DYNLRB1: variants seen among roughly 807,000 people sequenced by gnomAD.
DYNLRB1 encodes dynein light chain roadblock-type 1.
Under a neutral mutation model 13.5 loss-of-function variants are expected in DYNLRB1, and 6 were observed. The ratio of observed to expected loss-of-function variants is 0.44; its 90% CI spans 0.24 to 0.88. DYNLRB1 has a LOEUF of 0.88. Among genes scored for constraint, DYNLRB1 ranks in the 40% least tolerant of loss-of-function variants. DYNLRB1 has a pLI of 0.21. For synonymous variants in DYNLRB1, 43 were observed against 45.0 expected (o/e 0.96, Z 0.18); for missense variants, 93 against 127.2 (o/e 0.73, Z 1.29).
At chr20:34,523,582 G>T (rs1042006022) in intron 1 of DYNLRB1, among the ~76,000 whole-genome samples, 1 of 152,088 alleles carries the variant, frequency 6.6e-6, no homozygotes, top group Non-Finnish European at 1.5e-5. Context: ...CCAGAAACCG[G>T]CATGGCTAAC....
Position 34,522,469 on chromosome 20 carries a change from CTTTTTTTTT to C in DYNLRB1, c.4-3785_4-3777del, listed in dbSNP as rs771811577. On this transcript the variant is annotated intron_variant, in intron 1 of 3. Transcript: ENST00000357156. The stretch of plus-strand genomic sequence containing the variant: ...TTTTCTTTCTTTCTTTTTTCTTTTT[CTTTTTTTTT>C]TTTTTTTTTTTTTGATGAGTCTTAC... 5.2e-5 allele frequency among the ~76,000 whole-genome samples: 4 copies of C among 77,212 alleles called. No individual in the cohort carries two copies. In the East Asian group the frequency reaches 1.2e-3, roughly 23 times the overall value. 50.7% of individuals were successfully genotyped at this position (77,212 alleles called of 152,430 possible). A position where few individuals can be genotyped will look rare whatever the true frequency, so the allele number is the denominator to read the frequency against.
At chr20:34,518,411 A>T (rs1433320068) in intron 1 of DYNLRB1, among the ~76,000 whole-genome samples, 4 of 152,150 alleles carry the variant, frequency 2.6e-5, no homozygotes, top group Non-Finnish European at 4.4e-5. Context: ...GTAAAAAAAT[A>T]AATGATGTAA....
intron 1 of DYNLRB1, chr20:34,516,707 A>G: frequency 3.3e-6 from 5 of 1,527,308 alleles, no homozygotes; most frequent in African/African-American, 1.4e-5. Context: ...AGCCTCGGCC[A>G]GGAAGAGATG....
At chr20:34,516,787 G>C (rs2424993) in intron 1 of DYNLRB1, 1,085,850 of 1,548,228 alleles carry the variant, frequency 0.7, 386,532 homozygotes, top group African/African-American at 0.93. Context: ...GGCAACCCTG[G>C]CAACGTTTCC....
At position 34,528,311 on chromosome 20, in the gene DYNLRB1, CAAAAAAAAAAAAAAAA is replaced by C. The variant is rs59104612; in HGVS notation, c.79+1986_79+2001del. Reference sequence around the variant, plus strand: ...TGGGCGACAGAGCGAGACTCCGTCTCAAAAAAAAAAAAAAAAAAAAAAAAAAAAAAAAACTACCCTA... The same window carrying C: ...TGGGCGACAGAGCGAGACTCCGTCTCAAAAAAAAAAAAAAAAACTACCCTA... On this transcript the variant is annotated intron_variant, in intron 2 of 3. Transcript: ENST00000357156. 9.0e-3 allele frequency among the ~76,000 whole-genome samples: 47 copies of C among 5,206 alleles called. 9 individuals carry two copies. The highest frequency in any genetic ancestry group is 0.029 in the African/African-American group (22 of 746). 3.4% of individuals were successfully genotyped at this position (5,206 alleles called of 152,430 possible).
intron 3 of DYNLRB1, among the ~76,000 whole-genome samples, chr20:34,540,244 A>G (rs1173260225): frequency 6.6e-6 from 1 of 152,178 alleles, no homozygotes; most frequent in Non-Finnish European, 1.5e-5. Context: ...TAGGCAATTC[A>G]TTGGAGCTCT....
At chr20:34,529,909 G>A (rs1305112731) in intron 2 of DYNLRB1, 3 of 1,506,462 alleles carry the variant, frequency 2.0e-6, no homozygotes, top group South Asian at 1.3e-5. Flanking sequence ...GCTCAGGGCT[G>A]CCCCTGATCA....
At chr20:34,522,205 A>C (rs555768013) in intron 1 of DYNLRB1, among the ~76,000 whole-genome samples, 7 of 152,222 alleles carry the variant, frequency 4.6e-5, no homozygotes, top group Admixed American at 1.3e-4. Context: ...AGTTGTGGTC[A>C]CCAGTATATT....
chr20:34,516,496 G>T (rs1294345302), intron 1 of DYNLRB1, 35 bp downstream of exon 1: 1 of 1,610,762 alleles, frequency 6.2e-7, no homozygotes, highest in Non-Finnish European at 8.5e-7. Flanking sequence ...GCTGGCGGCC[G>T]CCCACCACCC....
At chr20:34,521,451 T>A (rs540568024) in intron 1 of DYNLRB1, among the ~76,000 whole-genome samples, 2 of 152,224 alleles carry the variant, frequency 1.3e-5, no homozygotes, top group African/African-American at 4.8e-5. Flanking sequence ...TGTGTTTTTT[T>A]TTTATTTATT....
chr20:34,525,067 A>G (rs1298728430), intron 1 of DYNLRB1, among the ~76,000 whole-genome samples: 2 of 152,160 alleles, frequency 1.3e-5, no homozygotes, highest in Non-Finnish European at 1.5e-5. Flanking sequence ...CCTTCCCTCC[A>G]GTGTTCGAGA....
In DYNLRB1 at chr20:34,527,055, C is replaced by T. The variant is rs192315004; in HGVS notation, c.79+712C>T. ...AGGGAGCTAGCATTTATCACATACC[C>T]GCTCTGTGCCAAGATTCTGGCTGGT... On this transcript the variant is annotated intron_variant, in intron 2 of 3. Transcript: ENST00000357156. Among the ~76,000 whole-genome samples the T allele has an allele frequency of 1.2e-3, 185 of 152,284 alleles. 1 individual carries two copies. The highest frequency in any genetic ancestry group is 4.4e-3 in the African/African-American group (181 of 41,544).
In DYNLRB1 at chr20:34,534,672, T is replaced by A. The variant is rs1199417765; in HGVS notation, c.124T>A (p.Tyr42Asn). Residue 42 changes from tyrosine to asparagine, a missense_variant, in exon 3 of 4, where the codon TAT (tyrosine) becomes AAT (asparagine). Tyr to Asn is a moderately radical substitution (Grantham distance 143). Transcript: ENST00000357156. ...STMDNPTTTQYASLMHSFILK... is the reference protein window; with the variant it reads ...STMDNPTTTQNASLMHSFILK... ...CATGGACAACCCCACCACCACCCAG[T>A]ATGCCAGCCTCATGCACAGCTTCAT... 1 of 1,593,890 alleles carries A rather than the reference T, an allele frequency of 6.3e-7. No homozygotes were observed. Among genetic ancestry groups the A allele is most frequent in the East Asian group, 2.2e-5 (1 of 44,768 alleles).
intron 2 of DYNLRB1, among the ~76,000 whole-genome samples, chr20:34,528,311 CAAAAAAAAAAAAAAAAAA>C (rs59104612): frequency 1.9e-4 from 1 of 5,204 alleles, no homozygotes; most frequent in African/African-American, 1.3e-3. Context: ...GACTCCGTCT[CAAAAAAAAAAAAAAAAAA>C]AAAAAAAAAA....
chr20:34,534,924 G>A (rs1339489765), intron 3 of DYNLRB1, 129 bp downstream of exon 3: 5 of 1,533,824 alleles, frequency 3.3e-6, no homozygotes, highest in Admixed American at 2.0e-5. Context: ...AAGGAATTGG[G>A]TTGTTGCCTC....
At chr20:34,524,459 G>C (rs1341080281) in intron 1 of DYNLRB1, among the ~76,000 whole-genome samples, 1 of 152,152 alleles carries the variant, frequency 6.6e-6, no homozygotes, top group Admixed American at 6.5e-5. Context: ...AAATGTCACT[G>C]TACTTTGGTC....
At chr20:34,526,171 G>T (rs1980189497) in intron 1 of DYNLRB1, 97 bp from the exon 2 acceptor site, 6 of 1,357,380 alleles carry the variant, frequency 4.4e-6, no homozygotes, top group Middle Eastern at 1.9e-4. Context: ...TTACTTGTTT[G>T]TTGTTGGAAG....
chr20:34,516,583 G>GCCGGGC (rs1003263707), intron 1 of DYNLRB1, 122 bp downstream of exon 1: 29 of 1,541,858 alleles, frequency 1.9e-5, no homozygotes, highest in Non-Finnish European at 2.4e-5. Flanking sequence ...GCTGGGCGTG[G>GCCGGGC]CCGGGCCCGG....
intron 2 of DYNLRB1, 35 bp from the exon 3 acceptor site, chr20:34,534,593 C>T: frequency 6.6e-7 from 1 of 1,525,338 alleles, no homozygotes; most frequent in Non-Finnish European, 8.8e-7. Flanking sequence ...GAAGGGGCTC[C>T]ACATCCTCTC....
Sources: allele counts gnomAD v4.1 joint callset (sites outside exome capture counted in the v4.1 genomes callset), GRCh38; gene constraint gnomAD v4.1.1; transcripts MANE v1.5; gene names NCBI Gene and HGNC (gene_info 2026-07-23, HGNC 2026-07-21).